ARHGEF12: variants seen among roughly 807,000 people sequenced by gnomAD.
ARHGEF12 encodes Rho guanine nucleotide exchange factor 12.
A neutral mutation model predicts 211.2 loss-of-function variants in ARHGEF12; 66 were observed. The observed-to-expected ratio is 0.31, with a 90% CI of 0.26 to 0.38. The LOEUF is 0.38. ARHGEF12 is among the 10% of genes least tolerant of loss of function. The pLI, the probability that ARHGEF12 is intolerant of heterozygous loss-of-function variation, is 1.00. For synonymous variants in ARHGEF12, 592 were observed against 638.4 expected (o/e 0.93, Z 1.09); for missense variants, 1,429 against 1,869.5 (o/e 0.76, Z 4.34).
chr11:120,477,630 C>G, intron 36 of ARHGEF12, 104 bp downstream of exon 36: 1 of 1,032,922 alleles, frequency 9.7e-7, no homozygotes, highest in Middle Eastern at 3.1e-4. Context: ...TTTGGGAGGT[C>G]GAGATAGGCG....
intron 18 of ARHGEF12, 28 bp downstream of exon 18, chr11:120,447,113 G>T: frequency 6.2e-7 from 1 of 1,608,488 alleles, no homozygotes; most frequent in Non-Finnish European, 8.5e-7. Flanking sequence ...ATGTGGAAAT[G>T]CCCTCTCTGC....
intron 28 of ARHGEF12, 111 bp downstream of exon 28, chr11:120,465,473 C>CT (rs912749803): frequency 0.061 from 63,040 of 1,039,684 alleles, 1 homozygote; most frequent in East Asian, 0.074. Context: ...TCTGTGTTAA[C>CT]TTTTTTTTTT....
At position 120,441,752 on chromosome 11, in the gene ARHGEF12, T is replaced by C; in HGVS notation, c.1138T>C (p.Ser380Pro). The C allele has an allele frequency of 6.2e-7, 1 of 1,613,924 alleles. No individual in the cohort carries two copies. The highest frequency in any genetic ancestry group is 1.1e-5 in the South Asian group (1 of 91,070). Residue 380 changes from serine to proline, a missense_variant, in exon 14 of 41, where the codon TCT becomes CCT. Ser to Pro is a moderately conservative substitution (Grantham distance 74). Transcript: ENST00000397843. ...SCFQSIELLK[S>P]RPAHLAVFLH... ...TTTCCAGAGCATTGAATTACTAAAATCTCGCCCGGCTCATTTGGCTGTTTT... is the reference window on the plus strand; with the variant it reads ...TTTCCAGAGCATTGAATTACTAAAACCTCGCCCGGCTCATTTGGCTGTTTT...
Position 120,351,341 on chromosome 11 carries a change from CAA to C in ARHGEF12, c.32+14088_32+14089del, listed in dbSNP as rs35596601. On this transcript the variant is annotated intron_variant, in intron 1 of 40. Coordinates refer to ENST00000397843, the MANE Select transcript of ARHGEF12 (RefSeq NM_015313.3). ...TGGGCAACAGAGCAAGACTCCGTCTCAAAAAAAAAAAAAAAAAAAAAAAGGTG... is the reference window on the plus strand; with the variant it reads ...TGGGCAACAGAGCAAGACTCCGTCTCAAAAAAAAAAAAAAAAAAAAAGGTG... Among the ~76,000 whole-genome samples the C allele has an allele frequency of 1.6e-3, 29 of 18,682 alleles. No individual in the cohort carries two copies. In the East Asian group the frequency reaches 0.016, roughly 11 times the overall value. The allele number at this position is 18,682 out of a possible 152,430, so 12.3% of individuals were successfully genotyped here. A position where few individuals can be genotyped will look rare whatever the true frequency, so the allele number is the denominator to read the frequency against.
intron 40 of ARHGEF12, 26 bp from the exon 41 acceptor site, chr11:120,485,041 T>A (rs556114178): frequency 1.1e-5 from 17 of 1,610,296 alleles, no homozygotes; most frequent in Non-Finnish European, 1.4e-5. Flanking sequence ...CTTAATATCA[T>A]TTCCATGTAT....
intron 20 of ARHGEF12, 94 bp from the exon 21 acceptor site, chr11:120,449,015 A>G (rs1946128533): frequency 1.9e-6 from 2 of 1,066,134 alleles, no homozygotes; most frequent in Non-Finnish European, 2.7e-6. Flanking sequence ...ACACTTAACA[A>G]TTTCTTTGAA....
At chr11:120,395,165 A>AAT (rs1224226148) in intron 1 of ARHGEF12, among the ~76,000 whole-genome samples, 5 of 151,928 alleles carry the variant, frequency 3.3e-5, no homozygotes, top group Non-Finnish European at 5.9e-5. Flanking sequence ...AAATTCCAAC[A>AAT]ATATATATAC....
Position 120,457,212 on chromosome 11 carries a change from A to G in ARHGEF12, c.2151A>G (p.Pro717=). Residue 717 remains proline, a synonymous_variant, in exon 23 of 41, where the codon CCA becomes CCG. Coordinates refer to ENST00000397843, the MANE Select transcript of ARHGEF12 (RefSeq NM_015313.3). ...CTGTCTTTGATTTCCCACCACCTCC[A>G]TTAGACCAAGTGCAGGAGGAGGAAT... The part of the protein sequence containing the change: ...LNTVFDFPPP[P]LDQVQEEECE... 2 of 1,614,130 alleles carry G rather than the reference A, an allele frequency of 1.2e-6. No homozygotes were observed. The highest frequency in any genetic ancestry group is 2.2e-5 in the East Asian group (1 of 44,876).
At chr11:120,362,854 A>G (rs938094900) in intron 1 of ARHGEF12, among the ~76,000 whole-genome samples, 1 of 152,160 alleles carries the variant, frequency 6.6e-6, no homozygotes, top group Admixed American at 6.5e-5. Context: ...TAATCCCAGC[A>G]GTTTGGGAGG....
intron 14 of ARHGEF12, 33 bp downstream of exon 14, chr11:120,441,850 T>G (rs745964366): frequency 1.3e-6 from 2 of 1,584,660 alleles, no homozygotes; most frequent in African/African-American, 2.7e-5. Context: ...AGATTCAGAG[T>G]TCTTCTGTTG....
chr11:120,451,776 A>G (rs1279179426), intron 22 of ARHGEF12, 52 bp downstream of exon 22: 1 of 1,511,604 alleles, frequency 6.6e-7, no homozygotes, highest in Non-Finnish European at 9.1e-7. Flanking sequence ...TTTAAAACAA[A>G]CACACTAACT....
chr11:120,465,426 T>C, intron 28 of ARHGEF12, 64 bp downstream of exon 28: 1 of 1,587,290 alleles, frequency 6.3e-7, no homozygotes, highest in Admixed American at 1.7e-5. Flanking sequence ...TCAGATAAAC[T>C]GGGGGAATTC....
intron 12 of ARHGEF12, among the ~76,000 whole-genome samples, chr11:120,438,027 C>T (rs905165533): frequency 6.6e-6 from 1 of 152,094 alleles, no homozygotes; most frequent in Non-Finnish European, 1.5e-5. Flanking sequence ...GAATATGCTG[C>T]CTTGCCTTCA....
intron 12 of ARHGEF12, among the ~76,000 whole-genome samples, chr11:120,438,219 G>A (rs953038394): frequency 6.6e-6 from 1 of 152,202 alleles, no homozygotes; most frequent in African/African-American, 2.4e-5. Context: ...AAAAATCAGA[G>A]ACATCAAATC....
intron 21 of ARHGEF12, 160 bp from the exon 22 acceptor site, chr11:120,451,352 T>A (rs1946207703): frequency 2.9e-5 from 17 of 586,160 alleles, no homozygotes; most frequent in Middle Eastern, 4.8e-4. Context: ...CTAATTTTTG[T>A]ATTTTTAATA....
At chr11:120,477,422 T>TG (rs1565513262) in intron 35 of ARHGEF12, 25 bp from the exon 36 acceptor site, 9 of 1,387,758 alleles carry the variant, frequency 6.5e-6, no homozygotes, top group Non-Finnish European at 8.6e-6. Flanking sequence ...GGTAAAAGTT[T>TG]TTTTTTTTTT....
At chr11:120,372,693 C>G (rs1943621851) in intron 1 of ARHGEF12, among the ~76,000 whole-genome samples, 1 of 152,082 alleles carries the variant, frequency 6.6e-6, no homozygotes, top group African/African-American at 2.4e-5. Flanking sequence ...TTGTAAAAAG[C>G]AGACAGGATT....
intron 1 of ARHGEF12, among the ~76,000 whole-genome samples, chr11:120,405,367 C>T (rs1431130752): frequency 6.6e-6 from 1 of 152,090 alleles, no homozygotes; most frequent in Non-Finnish European, 1.5e-5. Flanking sequence ...AAACGCTTAT[C>T]AAGAAGCTTC....
chr11:120,421,772 T>G (rs1945200209), intron 5 of ARHGEF12, 31 bp from the exon 6 acceptor site: 1 of 1,599,934 alleles, frequency 6.3e-7, no homozygotes, highest in Non-Finnish European at 8.6e-7. Context: ...TGCAAATGAA[T>G]CACATTTTAA....
Sources: gnomAD v4.1 joint callset for allele counts (sites outside exome capture counted in the v4.1 genomes callset) on GRCh38, gnomAD v4.1.1 for gene constraint, MANE v1.5 for transcripts, NCBI Gene and HGNC (gene_info 2026-07-23, HGNC 2026-07-21) for gene names.